Variants in GALNT17 observed in about 807,000 individuals in gnomAD.
GALNT17 encodes UDP-GalNAc:polypeptide N-acetylgalactosaminyltransferase-like 3.
A neutral mutation model predicts 63.7 loss-of-function variants in GALNT17; 29 were observed. The ratio of observed to expected loss-of-function variants is 0.46; its 90% CI spans 0.34 to 0.62. GALNT17 has a LOEUF of 0.62. Among genes scored for constraint, GALNT17 ranks in the 20% least tolerant of loss-of-function variants. GALNT17 has a pLI of 0.01. For synonymous variants in GALNT17, 305 were observed against 318.3 expected (o/e 0.96, Z 0.45); for missense variants, 603 against 799.6 (o/e 0.75, Z 2.97).
At chr7:71,295,591 ACCTT>A (rs891953572) in intron 1 of GALNT17, among the ~76,000 whole-genome samples, 8 of 118,950 alleles carry the variant, frequency 6.7e-5, no homozygotes, top group Admixed American at 3.0e-4. Flanking sequence ...CTTCCTTCCT[ACCTT>A]CCTTCCTTCC....
intron 1 of GALNT17, among the ~76,000 whole-genome samples, chr7:71,259,148 C>T (rs1429984154): frequency 2.6e-5 from 4 of 152,126 alleles, no homozygotes; most frequent in Non-Finnish European, 5.9e-5. Flanking sequence ...CTCTTACCTT[C>T]AGAGGGCCTC....
intron 1 of GALNT17, among the ~76,000 whole-genome samples, chr7:71,209,355 A>G (rs1366562530): frequency 6.6e-6 from 1 of 152,128 alleles, no homozygotes; most frequent in Non-Finnish European, 1.5e-5. Context: ...ATCTTTTCAT[A>G]TATAGGCTCA....
At chr7:71,382,161 C>T (rs1248235317) in intron 2 of GALNT17, among the ~76,000 whole-genome samples, 1 of 152,116 alleles carries the variant, frequency 6.6e-6, no homozygotes, top group African/African-American at 2.4e-5. Context: ...GGGCAGATCG[C>T]CTGAGGTCAG....
In GALNT17 at chr7:71,661,487, C is replaced by T. The variant is rs536776638; in HGVS notation, c.1081-3924C>T. ...AGGAGAGATGAGCAAGAGGAGCCCTCGTCTTCTGTCTCACACAAGAGGTGC... is the reference window on the plus strand; with the variant it reads ...AGGAGAGATGAGCAAGAGGAGCCCTTGTCTTCTGTCTCACACAAGAGGTGC... On this transcript the variant is annotated intron_variant, in intron 6 of 10. Transcript: ENST00000333538. Among the ~76,000 whole-genome samples the T allele has an allele frequency of 4.6e-5, 7 of 152,254 alleles. No individual in the cohort carries two copies. The South Asian group carries it at 1.2e-3, about 27-fold the overall frequency.
At position 71,669,680 on chromosome 7, in the gene GALNT17, G is replaced by T. The variant is rs183937627; in HGVS notation, c.1267-292G>T. ...GGGTTTAAGTGATTCTCGTGCCTCA[G>T]CCTCCTGAGTAGCTGAGATTACAGG... On this transcript the variant is annotated intron_variant, in intron 7 of 10. Coordinates refer to ENST00000333538, the MANE Select transcript of GALNT17 (RefSeq NM_022479.3). Among the ~76,000 whole-genome samples the T allele has an allele frequency of 3.2e-3, 484 of 150,824 alleles. 4 individuals carry two copies. Among genetic ancestry groups the T allele is most frequent in the African/African-American group, 0.011 (460 of 41,086 alleles).
At chr7:71,245,245 C>T (rs1215497552) in intron 1 of GALNT17, among the ~76,000 whole-genome samples, 1 of 152,146 alleles carries the variant, frequency 6.6e-6, no homozygotes, top group African/African-American at 2.4e-5. Context: ...TTTCTAACCC[C>T]ACACATGATC....
intron 6 of GALNT17, among the ~76,000 whole-genome samples, chr7:71,653,831 A>T (rs1056440984): frequency 1.3e-5 from 2 of 152,154 alleles, no homozygotes; most frequent in African/African-American, 4.8e-5. Context: ...AAAGAACATT[A>T]GTGCTCCCTC....
intron 1 of GALNT17, among the ~76,000 whole-genome samples, chr7:71,329,195 C>G (rs997958508): frequency 1.3e-5 from 2 of 152,134 alleles, no homozygotes; most frequent in Admixed American, 1.3e-4. Flanking sequence ...AATTCTGTCC[C>G]ATTCTGATAG....
intron 5 of GALNT17, among the ~76,000 whole-genome samples, chr7:71,464,046 G>T (rs867654867): frequency 1.3e-5 from 2 of 152,176 alleles, no homozygotes; most frequent in Admixed American, 1.3e-4. Context: ...GCTCTGATTC[G>T]AATGCCTCTG....
chr7:71,437,427 G>A (rs566346084), intron 5 of GALNT17, among the ~76,000 whole-genome samples: 13 of 152,176 alleles, frequency 8.5e-5, no homozygotes, highest in African/African-American at 1.4e-4. Flanking sequence ...GAATGCCTAC[G>A]AACCATCACA....
intron 1 of GALNT17, among the ~76,000 whole-genome samples, chr7:71,231,996 C>G (rs925311585): frequency 6.6e-6 from 1 of 152,020 alleles, no homozygotes; most frequent in Non-Finnish European, 1.5e-5. Flanking sequence ...GGCTCCTCTC[C>G]CTTGGGTTAT....
At chr7:71,414,668 C>T (rs770103286) in intron 3 of GALNT17, among the ~76,000 whole-genome samples, 16 of 152,164 alleles carry the variant, frequency 1.1e-4, no homozygotes, top group Non-Finnish European at 2.1e-4. Flanking sequence ...GGAAGAGCCA[C>T]GACTAAGTTG....
intron 6 of GALNT17, among the ~76,000 whole-genome samples, chr7:71,650,291 C>G (rs552254995): frequency 5.3e-5 from 8 of 152,262 alleles, no homozygotes; most frequent in African/African-American, 1.4e-4. Flanking sequence ...ACTCTGTCGC[C>G]GAGGCTGGAG....
chr7:71,137,608 A>G (rs1279144558), intron 1 of GALNT17, among the ~76,000 whole-genome samples: 1 of 151,958 alleles, frequency 6.6e-6, no homozygotes, highest in Non-Finnish European at 1.5e-5. Context: ...GTTGTGTTGG[A>G]TGGATGTGGA....
intron 1 of GALNT17, among the ~76,000 whole-genome samples, chr7:71,260,325 T>C (rs940071197): frequency 5.9e-5 from 9 of 152,220 alleles, no homozygotes; most frequent in African/African-American, 2.2e-4. Context: ...ACTTCTATAA[T>C]TCTGCCATTC....
At chr7:71,328,886 A>G (rs1275749583) in intron 1 of GALNT17, among the ~76,000 whole-genome samples, 2 of 152,010 alleles carry the variant, frequency 1.3e-5, no homozygotes, top group African/African-American at 2.4e-5. Flanking sequence ...TGGGATATGC[A>G]TGCATGCTTA....
intron 5 of GALNT17, among the ~76,000 whole-genome samples, chr7:71,471,419 A>C (rs200664943): frequency 0.086 from 12,348 of 144,408 alleles, 624 homozygotes; most frequent in East Asian, 0.43. Flanking sequence ...AAAAAACAAA[A>C]AAAACCAAAA....
At chr7:71,691,684 A>G (rs1791444962) in intron 9 of GALNT17, among the ~76,000 whole-genome samples, 1 of 152,174 alleles carries the variant, frequency 6.6e-6, no homozygotes, top group East Asian at 1.9e-4. Flanking sequence ...CTCCAGGCAC[A>G]AAAAGTCATT....
chr7:71,324,932 A>G (rs769791830), intron 1 of GALNT17, among the ~76,000 whole-genome samples: 1 of 152,166 alleles, frequency 6.6e-6, no homozygotes, highest in Non-Finnish European at 1.5e-5. Flanking sequence ...AAATGGGGCT[A>G]TCTTTTCTTT....
Sources: allele counts gnomAD v4.1 joint callset (sites outside exome capture counted in the v4.1 genomes callset), GRCh38; gene constraint gnomAD v4.1.1; transcripts MANE v1.5; gene names NCBI Gene and HGNC (gene_info 2026-07-23, HGNC 2026-07-21).